Variants in PARN observed in about 807,000 individuals in gnomAD.
The protein encoded by PARN is poly(A)-specific ribonuclease PARN.
In PARN, 71 loss-of-function variants were observed where a neutral mutation model predicts 102.8. The ratio of observed to expected loss-of-function variants is 0.69; its 90% CI spans 0.57 to 0.84. The LOEUF (loss-of-function observed/expected upper bound fraction) is 0.84, where lower values mean the gene tolerates loss of function less well. Among genes scored for constraint, PARN ranks in the 40% least tolerant of loss-of-function variants. The pLI is 0.00. For synonymous variants in PARN, 261 were observed against 252.9 expected, an observed-to-expected ratio of 1.03 and a Z score of -0.30; for missense variants, 782 against 760.9, an observed-to-expected ratio of 1.03 and a Z score of -0.33.
At chr16:14,528,903 T>C (rs1395087113) in intron 21 of PARN, among the ~76,000 whole-genome samples, 2 of 152,248 alleles carry the variant, frequency 1.3e-5, no homozygotes, top group Non-Finnish European at 2.9e-5. Flanking sequence ...TCTTATAAAC[T>C]GGATTCATGA....
At chr16:14,492,430 G>A (rs1480223272) in intron 21 of PARN, among the ~76,000 whole-genome samples, 1 of 152,210 alleles carries the variant, frequency 6.6e-6, no homozygotes, top group Non-Finnish European at 1.5e-5. Flanking sequence ...AGCTTCCACA[G>A]ATCCCACCGC....
chr16:14,612,830 C>A (rs1419356833), intron 6 of PARN, among the ~76,000 whole-genome samples: 1 of 151,922 alleles, frequency 6.6e-6, no homozygotes, highest in Non-Finnish European at 1.5e-5. Flanking sequence ...CTCCTGACCT[C>A]AGGTCATCTG....
chr16:14,551,297 T>G (rs962740867), intron 21 of PARN, among the ~76,000 whole-genome samples: 8 of 151,704 alleles, frequency 5.3e-5, no homozygotes, highest in South Asian at 4.2e-4. Context: ...GGCTGGGCAT[T>G]GTGGCTCATG....
At chr16:14,602,824 C>G (rs928647283) in intron 11 of PARN, among the ~76,000 whole-genome samples, 2 of 152,088 alleles carry the variant, frequency 1.3e-5, no homozygotes, top group Non-Finnish European at 2.9e-5. Flanking sequence ...CTCGCCCTCT[C>G]AGAAGAGAGC....
At chr16:14,494,445 A>G (rs1035728849) in intron 21 of PARN, among the ~76,000 whole-genome samples, 1 of 152,124 alleles carries the variant, frequency 6.6e-6, no homozygotes, top group Non-Finnish European at 1.5e-5. Context: ...AAATTTCCCT[A>G]AGGAAAAGAC....
intron 6 of PARN, among the ~76,000 whole-genome samples, chr16:14,617,258 C>A (rs1395967469): frequency 6.6e-6 from 1 of 151,178 alleles, no homozygotes; most frequent in African/African-American, 2.4e-5. Flanking sequence ...GTGGCGGGCA[C>A]CTGTAGTCCC....
Position 14,630,245 on chromosome 16 carries a change from C to G in PARN, c.-120G>C. 1 of 870,646 alleles carries G rather than the reference C, an allele frequency of 1.1e-6. No homozygotes were observed. Among genetic ancestry groups the G allele is most frequent in the Non-Finnish European group, 1.8e-6 (1 of 569,394 alleles). 53.9% of individuals were successfully genotyped at this position (870,646 alleles called of 1,614,324 possible). A position where few individuals can be genotyped will look rare whatever the true frequency, so the allele number is the denominator to read the frequency against. ...AGGCAGCCGCAGCGGTGACGCCGGC[C>G]GCGACTTCCGGAAACAGCGCGCGCC... On this transcript the variant is annotated 5_prime_UTR_variant, in exon 1 of 24. Coordinates refer to ENST00000437198, the MANE Select transcript of PARN (RefSeq NM_002582.4).
intron 21 of PARN, among the ~76,000 whole-genome samples, chr16:14,504,456 G>A (rs569024889): frequency 2.6e-5 from 4 of 152,178 alleles, no homozygotes; most frequent in Non-Finnish European, 5.9e-5. Context: ...CTACTCGGGA[G>A]GCTGAGGCAG....
chr16:14,627,262 A>C lies in PARN; in HGVS notation c.245+7T>G. On this transcript the variant is annotated splice_region_variant and intron_variant, in intron 4 of 23. Coordinates refer to ENST00000437198, the MANE Select transcript of PARN (RefSeq NM_002582.4). The stretch of plus-strand genomic sequence containing the variant: ...CGGAATTCCCAACGTTTGTTAACAC[A>C]ACCTACTTTGAATCTGTGTAGTCAT... 1 of 1,592,088 alleles carries C rather than the reference A, an allele frequency of 6.3e-7. No individual in the cohort carries two copies. The highest frequency in any genetic ancestry group is 1.1e-5 in the South Asian group (1 of 87,886).
chr16:14,440,202 T>G (rs1960886074), intron 23 of PARN, among the ~76,000 whole-genome samples: 1 of 152,100 alleles, frequency 6.6e-6, no homozygotes, highest in South Asian at 2.1e-4. Context: ...TGAAAAGATA[T>G]TTCACCAAAT....
intron 21 of PARN, among the ~76,000 whole-genome samples, chr16:14,519,471 C>T (rs908195227): frequency 6.6e-6 from 1 of 152,046 alleles, no homozygotes; most frequent in Non-Finnish European, 1.5e-5. Flanking sequence ...ATGCCATTTT[C>T]CTTGAAAGGA....
intron 21 of PARN, among the ~76,000 whole-genome samples, chr16:14,512,480 G>A (rs1415013461): frequency 5.3e-5 from 8 of 152,238 alleles, no homozygotes; most frequent in Admixed American, 2.0e-4. Flanking sequence ...GCAACAGAGT[G>A]AGACTCTCTC....
At position 14,492,699 on chromosome 16, in the gene PARN, A is replaced by G. The variant is rs367831495; in HGVS notation, c.1481-9872T>C. ...TACAGTTCTCCAATTGAGGCCACGG[A>G]AGCAGCAAAGAAAACAGTCTTTACA... On this transcript the variant is annotated intron_variant, in intron 21 of 23. Coordinates refer to ENST00000437198, the MANE Select transcript of PARN (RefSeq NM_002582.4). Among the ~76,000 whole-genome samples the G allele has an allele frequency of 5.9e-5, 9 of 152,194 alleles. No individual in the cohort carries two copies. The East Asian group carries it at 7.7e-4, about 13-fold the overall frequency.
chr16:14,584,656 C>A, intron 15 of PARN, 93 bp downstream of exon 15: 3 of 915,982 alleles, frequency 3.3e-6, no homozygotes, highest in South Asian at 2.9e-5. Context: ...GCATTAAATA[C>A]CTCCAAACCT....
intron 22 of PARN, among the ~76,000 whole-genome samples, chr16:14,460,043 CA>C: frequency 6.6e-6 from 1 of 152,168 alleles, no homozygotes; most frequent in Admixed American, 6.5e-5. Flanking sequence ...TGCTAAAAAA[CA>C]TGAGAAAATC....
At chr16:14,597,522 C>T (rs1163790764) in intron 12 of PARN, among the ~76,000 whole-genome samples, 1 of 151,930 alleles carries the variant, frequency 6.6e-6, no homozygotes, top group Non-Finnish European at 1.5e-5. Flanking sequence ...TGGTGAAACC[C>T]CGTCTCTACT....
intron 5 of PARN, 42 bp from the exon 6 acceptor site, chr16:14,617,692 C>T (rs143080815): frequency 5.8e-6 from 7 of 1,199,172 alleles, no homozygotes; most frequent in African/African-American, 3.0e-5. Flanking sequence ...GGGATGTTAG[C>T]GGCAGGAATA....
chr16:14,547,492 G>A (rs926620869), intron 21 of PARN, among the ~76,000 whole-genome samples: 1 of 151,412 alleles, frequency 6.6e-6, no homozygotes, highest in Non-Finnish European at 1.5e-5. Flanking sequence ...GACGGCTTGA[G>A]GCCAAGAGTT....
Position 14,512,962 on chromosome 16 carries a change from C to T in PARN, c.1481-30135G>A, listed in dbSNP as rs965699225. ...TTTGAGATGGAGTCTCGCTCTGTCA[C>T]CCAAACTGGAGTGCAGTGGCGTGAT... On this transcript the variant is annotated intron_variant, in intron 21 of 23. Coordinates refer to ENST00000437198, the MANE Select transcript of PARN (RefSeq NM_002582.4). Among the ~76,000 whole-genome samples, 7 of 152,144 alleles carry T rather than the reference C, an allele frequency of 4.6e-5. 1 individual carries two copies. Among genetic ancestry groups the T allele is most frequent in the Admixed American group, 3.9e-4 (6 of 15,274 alleles).
Sources: allele counts gnomAD v4.1 joint callset (sites outside exome capture counted in the v4.1 genomes callset), GRCh38; gene constraint gnomAD v4.1.1; transcripts MANE v1.5; gene names NCBI Gene and HGNC (gene_info 2026-07-23, HGNC 2026-07-21).